The following GCKR variants were observed in gnomAD, a reference collection of about 807,000 sequenced individuals.
The protein encoded by GCKR is glucokinase regulatory protein.
In GCKR, 73 loss-of-function variants were observed where a neutral mutation model predicts 82.9. That is an observed-to-expected ratio of 0.88 (90% confidence interval 0.73 to 1.07). The LOEUF (loss-of-function observed/expected upper bound fraction) is 1.07. Ranked by LOEUF, GCKR falls within the 50% of genes least tolerant of loss-of-function variation. The probability of loss-of-function intolerance (pLI) is 0.00; values close to 1 mark genes in which losing one functional copy is unlikely to be tolerated. For synonymous variants in GCKR, 294 were observed against 291.8 expected (o/e 1.01, Z -0.08); for missense variants, 784 against 782.1 (o/e 1.00, Z -0.03).
chr2:27,522,683 C>T lies in GCKR; in HGVS notation c.1707+89C>T, dbSNP rs1326043685. On this transcript the variant is annotated intron_variant, in intron 18 of 18. Transcript: ENST00000264717. ...TTTGTTCGGCACTGGGTTTACAAAGCTCAGTGGCACTCTGCTCACAAGGAC... is the reference window on the plus strand; with the variant it reads ...TTTGTTCGGCACTGGGTTTACAAAGTTCAGTGGCACTCTGCTCACAAGGAC... 3.8e-6 allele frequency: 4 copies of T among 1,060,168 alleles called. No individual in the cohort carries two copies. In the East Asian group the frequency reaches 9.4e-5, roughly 25 times the overall value. 65.7% of individuals were successfully genotyped at this position (1,060,168 alleles called of 1,614,324 possible). A position where few individuals can be genotyped will look rare whatever the true frequency, so the allele number is the denominator to read the frequency against.
chr2:27,498,268 G>C lies in GCKR; in HGVS notation c.299G>C (p.Gly100Ala). ...VQEVLKEPDG[G>A]LVVLSGGGTS... ...TTCCTTCTTCAGGAGCCAGATGGGG[G>C]GCTGGTTGTGCTGAGTGGAGGGGGC... The change falls in exon 4 of 19, where the codon GGG (glycine) becomes GCG (alanine). Residue 100 changes from glycine (G) to alanine (A), a missense_variant. Gly to Ala is a moderately conservative substitution (Grantham distance 60, BLOSUM62 0). Coordinates refer to ENST00000264717, the MANE Select transcript of GCKR (RefSeq NM_001486.4). 1 of 1,613,296 alleles carries C rather than the reference G, an allele frequency of 6.2e-7. No homozygotes were observed. The highest frequency in any genetic ancestry group is 8.5e-7 in the Non-Finnish European group (1 of 1,179,314).
At chr2:27,518,191 G>A (rs1377308530) in intron 16 of GCKR, among the ~76,000 whole-genome samples, 1 of 152,142 alleles carries the variant, frequency 6.6e-6, no homozygotes, top group African/African-American at 2.4e-5. Context: ...GATTACAGGT[G>A]TATGCCACCA....
chr2:27,504,811 G>A (rs1669671973), intron 9 of GCKR, among the ~76,000 whole-genome samples: 1 of 152,074 alleles, frequency 6.6e-6, no homozygotes, highest in South Asian at 2.1e-4. Flanking sequence ...GTGGAAGTGG[G>A]GGAGAAATTT....
At position 27,497,307 on chromosome 2, in the gene GCKR, G is replaced by A. The variant is rs760964948; in HGVS notation, c.124G>A (p.Asp42Asn). 13 of 1,614,020 alleles carry A rather than the reference G, an allele frequency of 8.1e-6. No homozygotes were observed. The highest frequency in any genetic ancestry group is 1.7e-6 in the Non-Finnish European group (2 of 1,179,982). Residue 42 changes from aspartate (D) to asparagine (N), a missense_variant, in exon 2 of 19, where the codon GAC (aspartate) becomes AAC (asparagine). Coordinates refer to ENST00000264717, the MANE Select transcript of GCKR (RefSeq NM_001486.4). Reference protein sequence around the residue: ...EKSNPLTQDLDKADAENIVRL... With the variant: ...EKSNPLTQDLNKADAENIVRL... ...GTCAAACCCACTGACCCAGGATCTAGACAAAGCAGATGCTGAGAACATTGT... is the reference window on the plus strand; with the variant it reads ...GTCAAACCCACTGACCCAGGATCTAAACAAAGCAGATGCTGAGAACATTGT...
At chr2:27,500,663 G>C (rs1258034589) in intron 7 of GCKR, among the ~76,000 whole-genome samples, 1 of 152,144 alleles carries the variant, frequency 6.6e-6, no homozygotes, top group Non-Finnish European at 1.5e-5. Flanking sequence ...CCTGGGACTT[G>C]TTAGAAATGC....
At chr2:27,515,201 C>T (rs1669974242) in intron 16 of GCKR, among the ~76,000 whole-genome samples, 1 of 152,056 alleles carries the variant, frequency 6.6e-6, no homozygotes, top group Non-Finnish European at 1.5e-5. Context: ...TGGTCTCGAA[C>T]TCCTGACCTC....
At chr2:27,507,115 C>A in intron 12 of GCKR, 120 bp from the exon 13 acceptor site, 1 of 814,496 alleles carries the variant, frequency 1.2e-6, no homozygotes, top group South Asian at 1.3e-5. Context: ...AAGGGCTACT[C>A]CTCACTCTAC....
chr2:27,508,118 G>T, intron 15 of GCKR, 44 bp downstream of exon 15: 2 of 1,586,384 alleles, frequency 1.3e-6, no homozygotes, highest in Non-Finnish European at 1.7e-6. Context: ...GGCAGTTGCA[G>T]CCAGGCCTTC....
At chr2:27,517,333 A>G (rs1400654410) in intron 16 of GCKR, among the ~76,000 whole-genome samples, 2 of 152,246 alleles carry the variant, frequency 1.3e-5, no homozygotes, top group Middle Eastern at 3.4e-3. Context: ...AAAGAGGTTT[A>G]ATTGACCCAC....
chr2:27,498,635 A>G (rs1182589463), intron 4 of GCKR, 89 bp from the exon 5 acceptor site: 3 of 830,048 alleles, frequency 3.6e-6, no homozygotes, highest in Non-Finnish European at 4.2e-6. Flanking sequence ...GAGAATCATT[A>G]TATAGTCTCT....
chr2:27,508,304 A>T (rs1669801515), intron 16 of GCKR, 53 bp downstream of exon 16: 1 of 1,184,278 alleles, frequency 8.4e-7, no homozygotes, highest in African/African-American at 1.5e-5. Context: ...AGGGTGAGGG[A>T]TTCCAAGAAT....
intron 16 of GCKR, among the ~76,000 whole-genome samples, 168 bp from the exon 17 acceptor site, chr2:27,518,620 A>T (rs2148592332): frequency 6.6e-6 from 1 of 152,336 alleles, no homozygotes; most frequent in South Asian, 2.1e-4. Context: ...ATCCTGGTTT[A>T]CATCTATTGC....
At chr2:27,497,177 C>G in intron 1 of GCKR, 67 bp from the exon 2 acceptor site, 1 of 1,580,692 alleles carries the variant, frequency 6.3e-7, no homozygotes, top group Non-Finnish European at 8.7e-7. Flanking sequence ...CCACTCCCAC[C>G]TCCAGCTCAG....
chr2:27,498,448 T>C (rs1669478321), intron 4 of GCKR, 125 bp downstream of exon 4: 2 of 726,838 alleles, frequency 2.8e-6, no homozygotes, highest in Non-Finnish European at 4.8e-6. Context: ...CAAGCCTGGC[T>C]CTTTCTCTCT....
At chr2:27,521,348 T>G (rs1349797376) in intron 17 of GCKR, among the ~76,000 whole-genome samples, 1 of 151,660 alleles carries the variant, frequency 6.6e-6, no homozygotes, top group Non-Finnish European at 1.5e-5. Context: ...TTTTTTTTTT[T>G]GAGATGGAGT....
intron 9 of GCKR, 128 bp downstream of exon 9, chr2:27,503,747 C>T: frequency 1.5e-6 from 1 of 685,742 alleles, no homozygotes; most frequent in Non-Finnish European, 2.7e-6. Flanking sequence ...TGTGAGTCAG[C>T]TAAAATGTTA....
intron 7 of GCKR, among the ~76,000 whole-genome samples, chr2:27,500,009 C>T (rs557472093): frequency 1.1e-4 from 16 of 151,964 alleles, no homozygotes; most frequent in African/African-American, 1.7e-4. Context: ...CCACCTGCCT[C>T]GCTCAGCCTC....
At chr2:27,515,703 G>T (rs1439205076) in intron 16 of GCKR, among the ~76,000 whole-genome samples, 2 of 149,188 alleles carry the variant, frequency 1.3e-5, no homozygotes, top group Non-Finnish European at 3.0e-5. Context: ...GGTAAGGCAT[G>T]AATCCAATTA....
chr2:27,497,351 T>A lies in GCKR; in HGVS notation c.168T>A (p.Cys56Ter). 1 of 1,614,224 alleles carries A rather than the reference T, an allele frequency of 6.2e-7. No homozygotes were observed. Among genetic ancestry groups the A allele is most frequent in the Non-Finnish European group, 8.5e-7 (1 of 1,180,044 alleles). The stretch of plus-strand genomic sequence containing the variant: ...ACATTGTTCGACTGCTAGGGCAATG[T>A]GATGCTGAGATCTTCCAGGAGGAGG... ...AENIVRLLGQ[C>*]DAEIFQEEGQ... The change falls in exon 2 of 19, where the codon TGT becomes TGA. Residue 56 changes from cysteine to a stop codon, truncating the protein, a stop_gained. Transcript: ENST00000264717. LOFTEE classifies it high-confidence loss of function.
Sources: allele counts gnomAD v4.1 joint callset (sites outside exome capture counted in the v4.1 genomes callset), GRCh38; gene constraint gnomAD v4.1.1; transcripts MANE v1.5; gene names NCBI Gene and HGNC (gene_info 2026-07-23, HGNC 2026-07-21).